Variants in IL1RAPL1 observed in about 807,000 individuals in gnomAD.
The protein encoded by IL1RAPL1 is interleukin-1 receptor accessory protein-like 1.
A neutral mutation model predicts 48.4 loss-of-function variants in IL1RAPL1; 3 were observed. The ratio of observed to expected loss-of-function variants is 0.06; its 90% CI spans 0.03 to 0.16. IL1RAPL1 has a LOEUF of 0.16. IL1RAPL1 is among the 10% of genes least tolerant of loss of function. The pLI, the probability that IL1RAPL1 is intolerant of heterozygous loss-of-function variation, is 1.00. For missense variants in IL1RAPL1, 349 were observed against 530.6 expected, an observed-to-expected ratio of 0.66 and a Z score of 3.36; for synonymous variants, 185 against 187.7, an observed-to-expected ratio of 0.99 and a Z score of 0.12.
chrX:28,625,842 G>A (rs1261807365), intron 1 of IL1RAPL1, among the ~76,000 whole-genome samples: 2 of 110,558 alleles, frequency 1.8e-5, no homozygotes, highest in African/African-American at 6.6e-5. Context: ...AAGTCATACT[G>A]CCAAGCTTAT....
chrX:29,882,606 T>A (rs1212768901), intron 6 of IL1RAPL1, among the ~76,000 whole-genome samples: 4 of 111,686 alleles, frequency 3.6e-5, no homozygotes, highest in Non-Finnish European at 7.5e-5. Context: ...AAGGTGGACC[T>A]ATACAATACA....
intron 3 of IL1RAPL1, among the ~76,000 whole-genome samples, chrX:29,342,152 GTGTT>G (rs547708917): frequency 0.092 from 8,753 of 95,073 alleles, 332 homozygotes; most frequent in African/African-American, 0.2. Context: ...GTGTGTGTGT[GTGTT>G]TGTTTTGTTT....
At chrX:28,656,286 TG>T (rs1250289413) in intron 1 of IL1RAPL1, among the ~76,000 whole-genome samples, 2 of 111,235 alleles carry the variant, frequency 1.8e-5, no homozygotes, top group African/African-American at 6.5e-5. Context: ...CTCTTCTGAT[TG>T]TGCTGAGCCA....
chrX:29,452,293 A>T (rs1295511663), intron 5 of IL1RAPL1, among the ~76,000 whole-genome samples: 3 of 111,603 alleles, frequency 2.7e-5, no homozygotes, highest in Non-Finnish European at 5.6e-5. Context: ...TCTAGAGTTG[A>T]CTCTCACTCA....
chrX:28,949,167 TA>T (rs1372111000), intron 2 of IL1RAPL1, among the ~76,000 whole-genome samples: 2 of 111,332 alleles, frequency 1.8e-5, no homozygotes, highest in South Asian at 7.4e-4. Context: ...AATGTTCTTT[TA>T]AAAAAATCCA....
At chrX:29,467,735 A>G in intron 5 of IL1RAPL1, among the ~76,000 whole-genome samples, 1 of 112,772 alleles carries the variant, frequency 8.9e-6, no homozygotes, top group South Asian at 3.7e-4. Flanking sequence ...CTGGGGCTAG[A>G]ACTCTGATGC....
At chrX:29,250,416 G>T (rs773853698) in intron 2 of IL1RAPL1, among the ~76,000 whole-genome samples, 2 of 111,326 alleles carry the variant, frequency 1.8e-5, no homozygotes, top group Non-Finnish European at 3.8e-5. Flanking sequence ...ATTAAACCAT[G>T]AAACTATGGC....
rs1226540376 is a variant in IL1RAPL1, at chrX:29,201,017, C to A, written c.83-81921C>A. Among the ~76,000 whole-genome samples the A allele has an allele frequency of 2.7e-5, 3 of 110,666 alleles. 1 individual carries two copies. Among genetic ancestry groups the A allele is most frequent in the Non-Finnish European group, 5.7e-5 (3 of 52,944 alleles). On this transcript the variant is annotated intron_variant, in intron 2 of 10. Transcript: ENST00000378993. ...CTGATAGGCTCCAGTGTGTGTTGTT[C>A]CCCTCCATGTGTTACATGGGAATTT... is the stretch of plus-strand genomic sequence containing the variant.
At chrX:28,645,947 C>A (rs1472000594) in intron 1 of IL1RAPL1, among the ~76,000 whole-genome samples, 1 of 111,688 alleles carries the variant, frequency 9.0e-6, no homozygotes, top group African/African-American at 3.3e-5. Context: ...GTGGCCTTGG[C>A]AAATGCATAT....
In IL1RAPL1 at chrX:29,588,592, G is replaced by C. The variant is rs1293964567; in HGVS notation, c.704-79838G>C. On this transcript the variant is annotated intron_variant, in intron 5 of 10. Transcript: ENST00000378993. The stretch of plus-strand genomic sequence containing the variant: ...TCGGAATTTGTGGCTTCTCAGTAGA[G>C]AACACATTTAAGGAATGATCTCTAA... 3.6e-5 allele frequency among the ~76,000 whole-genome samples: 4 copies of C among 112,078 alleles called. No homozygotes were observed. The East Asian group carries it at 1.1e-3, about 31-fold the overall frequency.
intron 2 of IL1RAPL1, among the ~76,000 whole-genome samples, chrX:29,192,074 A>G (rs1930362220): frequency 9.0e-6 from 1 of 111,543 alleles, no homozygotes; most frequent in Non-Finnish European, 1.9e-5. Flanking sequence ...TTCGTTCTCC[A>G]CAAACCGAAG....
At chrX:29,423,789 TA>T (rs1422986111) in intron 5 of IL1RAPL1, among the ~76,000 whole-genome samples, 1 of 111,761 alleles carries the variant, frequency 8.9e-6, no homozygotes, top group Non-Finnish European at 1.9e-5. Flanking sequence ...ATATACTATC[TA>T]ATTTAAACTG....
chrX:29,779,447 G>C (rs1849162007), intron 6 of IL1RAPL1, among the ~76,000 whole-genome samples: 1 of 111,155 alleles, frequency 9.0e-6, no homozygotes, highest in African/African-American at 3.3e-5. Flanking sequence ...ACCTATTTGA[G>C]AGGGGAGGGA....
intron 2 of IL1RAPL1, among the ~76,000 whole-genome samples, chrX:29,108,835 C>T (rs182613912): frequency 2.7e-4 from 30 of 111,360 alleles, no homozygotes; most frequent in Middle Eastern, 4.7e-3. Context: ...GCTTCAATGA[C>T]GCTGAAGAGA....
At chrX:29,589,253 A>AT (rs1923289514) in intron 5 of IL1RAPL1, among the ~76,000 whole-genome samples, 4 of 111,558 alleles carry the variant, frequency 3.6e-5, no homozygotes, top group Admixed American at 2.9e-4. Flanking sequence ...TGGGCTTATC[A>AT]TTTTTCCCTC....
At position 29,803,287 on chromosome X, in the gene IL1RAPL1, GTATATATGTATACA is replaced by G. The variant is rs1303109190; in HGVS notation, c.779-114172_779-114159del. Among the ~76,000 whole-genome samples, 46 of 25,293 alleles carry G rather than the reference GTATATATGTATACA, an allele frequency of 1.8e-3. 1 individual carries two copies. Among genetic ancestry groups the G allele is most frequent in the African/African-American group, 7.3e-3 (41 of 5,647 alleles). 22.0% of individuals were successfully genotyped at this position (25,293 alleles called of 115,157 possible). ...TATATATGTATACATATACACACAT[GTATATATGTATACA>G]TATACACACATGTATATATGTATAC... On this transcript the variant is annotated intron_variant, in intron 6 of 10. Coordinates refer to ENST00000378993, the MANE Select transcript of IL1RAPL1 (RefSeq NM_014271.4).
chrX:29,362,614 G>T (rs1454274375), intron 3 of IL1RAPL1, among the ~76,000 whole-genome samples: 1 of 111,658 alleles, frequency 9.0e-6, no homozygotes, highest in Non-Finnish European at 1.9e-5. Flanking sequence ...TCCCAATTCT[G>T]AGGGTCTCCT....
intron 5 of IL1RAPL1, among the ~76,000 whole-genome samples, chrX:29,400,730 A>G (rs770879404): frequency 1.2e-4 from 13 of 112,259 alleles, no homozygotes; most frequent in Non-Finnish European, 2.4e-4. Context: ...GTATCTGGCT[A>G]TACTTGAGTT....
chrX:29,058,237 C>T (rs1404409958), intron 2 of IL1RAPL1, among the ~76,000 whole-genome samples: 2 of 110,354 alleles, frequency 1.8e-5, no homozygotes, highest in Admixed American at 9.7e-5. Flanking sequence ...ATTAGCTGGG[C>T]GTGGTGGCAC....
Sources: allele counts gnomAD v4.1 joint callset (sites outside exome capture counted in the v4.1 genomes callset), GRCh38; gene constraint gnomAD v4.1.1; transcripts MANE v1.5; gene names NCBI Gene and HGNC (gene_info 2026-07-23, HGNC 2026-07-21).